The following TRMT9B variants were observed in gnomAD, a reference collection of about 807,000 sequenced individuals.
TRMT9B encodes probable tRNA methyltransferase 9B.
Under a neutral mutation model 11.5 loss-of-function variants are expected in TRMT9B, and 16 were observed. The ratio of observed to expected loss-of-function variants is 1.39; its 90% confidence interval spans 0.94 to 2.11. The LOEUF (loss-of-function observed/expected upper bound fraction) is 2.11. TRMT9B is among the 30% of genes most tolerant of loss of function. The probability of loss-of-function intolerance (pLI) is 0.00; values close to 1 mark genes in which losing one functional copy is unlikely to be tolerated. For synonymous variants in TRMT9B, 274 were observed against 192.4 expected (o/e 1.42, Z -3.51); for missense variants, 941 against 553.8 (o/e 1.70, Z -7.02).
rs1814276643 is a variant in TRMT9B at position 13,023,540 on chromosome 8, T to C, written c.*1496T>C. 6.0e-6 allele frequency: 1 copy of C among 167,074 alleles called. No individual in the cohort carries two copies. Among genetic ancestry groups the C allele is most frequent in the African/African-American group, 2.4e-5 (1 of 41,450 alleles). 10.3% of individuals were successfully genotyped at this position (167,074 alleles called of 1,614,324 possible). ...TTGCCCATGGGTCTCTTTAAATCTA[T>C]GTCATGGATCCTGAGACACAAATAT... is the stretch of plus-strand genomic sequence containing the variant. On this transcript the variant is annotated 3_prime_UTR_variant, in exon 5 of 5. Coordinates refer to ENST00000524591, the MANE Select transcript of TRMT9B (RefSeq NM_020844.3).
Position 13,017,662 on chromosome 8 carries a change from G to A in TRMT9B, c.329-3346G>A, listed in dbSNP as rs150317399. 7.1e-3 allele frequency among the ~76,000 whole-genome samples: 933 copies of A among 130,698 alleles called. 7 individuals carry two copies. The highest frequency in any genetic ancestry group is 0.023 in the African/African-American group (805 of 34,822). 85.7% of individuals were successfully genotyped at this position (130,698 alleles called of 152,430 possible). A position where few individuals can be genotyped will look rare whatever the true frequency, so the allele number is the denominator to read the frequency against. The stretch of plus-strand genomic sequence containing the variant: ...AGTGTCTTACTCTGTCACCCAGGTT[G>A]GAGTACAGTGGCATGATCTTGACTC... On this transcript the variant is annotated intron_variant, in intron 4 of 4. Transcript: ENST00000524591.
chr8:12,966,658 C>G (rs1022565596), intron 1 of TRMT9B, among the ~76,000 whole-genome samples: 3 of 152,150 alleles, frequency 2.0e-5, no homozygotes, highest in African/African-American at 4.8e-5. Context: ...TAGCCTGGGA[C>G]TTCTTTGATT....
intron 2 of TRMT9B, among the ~76,000 whole-genome samples, chr8:13,002,194 A>C (rs1190769908): frequency 6.6e-6 from 1 of 152,218 alleles, no homozygotes; most frequent in Non-Finnish European, 1.5e-5. Flanking sequence ...AGATACTACA[A>C]ATTCTGAGCT....
intron 3 of TRMT9B, chr8:13,012,058 T>C (rs1811706162): frequency 5.1e-6 from 5 of 985,418 alleles, no homozygotes; most frequent in African/African-American, 1.7e-5. Flanking sequence ...GTCTCTCGGA[T>C]ACTAGAACTA....
chr8:13,018,655 G>A (rs1265841524), intron 4 of TRMT9B, among the ~76,000 whole-genome samples: 1 of 152,166 alleles, frequency 6.6e-6, no homozygotes, highest in Non-Finnish European at 1.5e-5. Flanking sequence ...AGCGGTTTCT[G>A]TGAGCCTCTG....
chr8:12,985,041 C>G (rs1004398400), intron 1 of TRMT9B, among the ~76,000 whole-genome samples: 1 of 151,864 alleles, frequency 6.6e-6, no homozygotes, highest in African/African-American at 2.4e-5. Context: ...TCCCCTATTT[C>G]GTTTTGGGGG....
At chr8:12,972,753 T>C (rs1803837722) in intron 1 of TRMT9B, among the ~76,000 whole-genome samples, 1 of 152,232 alleles carries the variant, frequency 6.6e-6, no homozygotes, top group Admixed American at 6.5e-5. Flanking sequence ...ACTCTCATGT[T>C]CTGAAGCTAG....
intron 3 of TRMT9B, chr8:13,011,781 A>G (rs1811654428): frequency 1.0e-6 from 1 of 953,532 alleles, no homozygotes; most frequent in South Asian, 4.8e-5. Context: ...TCTGAGTTGT[A>G]TACTGGACCC....
chr8:12,981,334 C>T (rs1181252360), intron 1 of TRMT9B, among the ~76,000 whole-genome samples: 1 of 152,148 alleles, frequency 6.6e-6, no homozygotes, highest in African/African-American at 2.4e-5. Context: ...TGGCAGAGCA[C>T]AGGGTGTGAA....
rs1259697381 is a variant in TRMT9B at position 13,025,137 on chromosome 8, C to A, written c.*3093C>A. The A allele has an allele frequency of 1.8e-5, 3 of 166,864 alleles. No homozygotes were observed. Among genetic ancestry groups the A allele is most frequent in the Non-Finnish European group, 4.4e-5 (3 of 68,092 alleles). The allele number at this position is 166,864 out of a possible 1,614,324, so 10.3% of individuals were successfully genotyped here. A position where few individuals can be genotyped will look rare whatever the true frequency, so the allele number is the denominator to read the frequency against. Reference sequence around the variant, plus strand: ...TAGATCACACAGTGTCTTTCTTATTCCTTCTTCTTTACTTACTGGCATCAG... The same window carrying A: ...TAGATCACACAGTGTCTTTCTTATTACTTCTTCTTTACTTACTGGCATCAG... On this transcript the variant is annotated 3_prime_UTR_variant, in exon 5 of 5. Transcript: ENST00000524591.
intron 2 of TRMT9B, among the ~76,000 whole-genome samples, chr8:12,993,615 G>T (rs146266818): frequency 6.6e-6 from 1 of 152,308 alleles, no homozygotes; most frequent in East Asian, 1.9e-4. Flanking sequence ...AGGGGGCAAA[G>T]GTGCCAGCAC....
At chr8:13,006,403 TCGC>T (rs1810479905) in intron 3 of TRMT9B, 47 bp downstream of exon 3, 3 of 1,467,626 alleles carry the variant, frequency 2.0e-6, no homozygotes, top group African/African-American at 2.9e-5. Flanking sequence ...GGCAGCCTCA[TCGC>T]TGACATAGGT....
chr8:13,000,006 C>G (rs1323075583), intron 2 of TRMT9B, among the ~76,000 whole-genome samples: 1 of 152,162 alleles, frequency 6.6e-6, no homozygotes. Flanking sequence ...TTCACTTTTT[C>G]ATGATCTAGA....
At chr8:12,959,285 C>G (rs1291363325) in intron 1 of TRMT9B, among the ~76,000 whole-genome samples, 1 of 152,112 alleles carries the variant, frequency 6.6e-6, no homozygotes, top group African/African-American at 2.4e-5. Context: ...GTGGAAAAAT[C>G]CCACACCTGA....
rs1003809704 is a variant in TRMT9B at position 13,027,866 on chromosome 8, TAACTC to T, written c.*5825_*5829del. 3.6e-5 allele frequency: 6 copies of T among 167,122 alleles called. No individual in the cohort carries two copies. The highest frequency in any genetic ancestry group is 1.2e-4 in the African/African-American group (5 of 41,456). 10.4% of individuals were successfully genotyped at this position (167,122 alleles called of 1,614,324 possible). A position where few individuals can be genotyped will look rare whatever the true frequency, so the allele number is the denominator to read the frequency against. On this transcript the variant is annotated 3_prime_UTR_variant, in exon 5 of 5. Transcript: ENST00000524591. ...TGCTTAACTCCTCTTGTTCCAATCTTAACTCAAAATTATGATTATTTTGATTATTT... is the reference window on the plus strand; with the variant it reads ...TGCTTAACTCCTCTTGTTCCAATCTTAAAATTATGATTATTTTGATTATTT...
intron 4 of TRMT9B, among the ~76,000 whole-genome samples, chr8:13,019,051 C>G (rs867523584): frequency 9.2e-5 from 14 of 152,114 alleles, no homozygotes; most frequent in South Asian, 2.1e-4. Context: ...AGTTGCCCCT[C>G]TGCATTCGTC....
intron 1 of TRMT9B, among the ~76,000 whole-genome samples, chr8:12,948,479 A>G (rs1233579759): frequency 2.0e-5 from 3 of 148,164 alleles, no homozygotes; most frequent in Admixed American, 1.4e-4. Context: ...ACAATAATTT[A>G]TATTATATAA....
At chr8:12,988,240 A>G (rs533711240) in intron 1 of TRMT9B, among the ~76,000 whole-genome samples, 9 of 152,296 alleles carry the variant, frequency 5.9e-5, no homozygotes, top group Non-Finnish European at 1.0e-4. Context: ...TCCAGGCTGG[A>G]TCAGTCGCCT....
chr8:12,988,234 G>C lies in TRMT9B; in HGVS notation c.-199-2600G>C, dbSNP rs114619075. ...GCCTTCACTCCCCCTTCCCACTCCA[G>C]GCTGGATCAGTCGCCTATGTGCTCC... On this transcript the variant is annotated intron_variant, in intron 1 of 4. Transcript: ENST00000524591. 6.0e-3 allele frequency among the ~76,000 whole-genome samples: 907 copies of C among 152,196 alleles called. 6 individuals carry two copies. Among genetic ancestry groups the C allele is most frequent in the African/African-American group, 0.02 (810 of 41,502 alleles).
Sources: gnomAD v4.1 joint callset for allele counts (sites outside exome capture counted in the v4.1 genomes callset) on GRCh38, gnomAD v4.1.1 for gene constraint, MANE v1.5 for transcripts, NCBI Gene and HGNC (gene_info 2026-07-23, HGNC 2026-07-21) for gene names.